The following MRPS28 variants were observed in gnomAD, a reference collection of about 807,000 sequenced individuals.
MRPS28 encodes the protein small ribosomal subunit protein bS1m.
In MRPS28, 7 loss-of-function variants were observed where a neutral mutation model predicts 10.8. The observed-to-expected ratio is 0.65, with a 90% confidence interval of 0.37 to 1.22. The LOEUF (loss-of-function observed/expected upper bound fraction) is 1.22. MRPS28 is among the 50% of genes most tolerant of loss of function. The pLI, the probability that MRPS28 is intolerant of heterozygous loss-of-function variation, is 0.02. For synonymous variants in MRPS28, 121 were observed against 93.3 expected, an observed-to-expected ratio of 1.30 and a Z score of -1.71; for missense variants, 265 against 232.9, an observed-to-expected ratio of 1.14 and a Z score of -0.90.
intron 1 of MRPS28, among the ~76,000 whole-genome samples, chr8:80,007,289 T>C (rs905716142): frequency 6.6e-6 from 1 of 152,160 alleles, no homozygotes; most frequent in Non-Finnish European, 1.5e-5. Context: ...ATAAGAGCTA[T>C]CTATGAAAAA....
At chr8:79,984,688 A>T (rs1393117740) in intron 2 of MRPS28, among the ~76,000 whole-genome samples, 5 of 152,194 alleles carry the variant, frequency 3.3e-5, no homozygotes, top group Admixed American at 6.5e-5. Flanking sequence ...AGGCCATTAC[A>T]TAATGGTAAA....
intron 2 of MRPS28, among the ~76,000 whole-genome samples, chr8:79,981,449 A>C (rs1260976132): frequency 6.6e-6 from 1 of 152,260 alleles, no homozygotes; most frequent in African/African-American, 2.4e-5. Flanking sequence ...AATTGCAGTT[A>C]GGAAAGATAT....
chr8:79,969,947 G>A (rs191704821), intron 2 of MRPS28, among the ~76,000 whole-genome samples: 20 of 152,236 alleles, frequency 1.3e-4, no homozygotes, highest in Admixed American at 1.0e-3. Context: ...CTCCTTGGAC[G>A]CATTCATTCA....
intron 1 of MRPS28, among the ~76,000 whole-genome samples, chr8:80,007,396 AAC>A (rs1808883305): frequency 6.6e-6 from 1 of 152,266 alleles, no homozygotes; most frequent in African/African-American, 2.4e-5. Flanking sequence ...ACTCTTATTC[AAC>A]ACAGTGTTGG....
At chr8:79,965,282 A>C (rs1807475431) in intron 2 of MRPS28, among the ~76,000 whole-genome samples, 1 of 152,158 alleles carries the variant, frequency 6.6e-6, no homozygotes, top group Non-Finnish European at 1.5e-5. Flanking sequence ...AACTCACTTA[A>C]GATGACACTG....
chr8:79,981,221 T>C (rs1158027172), intron 2 of MRPS28, among the ~76,000 whole-genome samples: 3 of 152,162 alleles, frequency 2.0e-5, no homozygotes, highest in African/African-American at 4.8e-5. Context: ...TCCCAGCTAC[T>C]TGCAGGGCTG....
intron 2 of MRPS28, among the ~76,000 whole-genome samples, chr8:79,989,281 T>C (rs957230865): frequency 6.6e-6 from 1 of 152,200 alleles, no homozygotes; most frequent in Admixed American, 6.5e-5. Flanking sequence ...CCAGGGAGTA[T>C]TAGCTTGAAT....
chr8:80,026,892 G>C (rs1438178531), intron 1 of MRPS28, among the ~76,000 whole-genome samples: 3 of 152,038 alleles, frequency 2.0e-5, no homozygotes, highest in African/African-American at 7.2e-5. Flanking sequence ...TTTTTAAATA[G>C]CATTTTATAT....
chr8:79,947,606 A>G (rs936582632), intron 2 of MRPS28, among the ~76,000 whole-genome samples: 1 of 145,634 alleles, frequency 6.9e-6, no homozygotes, highest in Non-Finnish European at 1.5e-5. Context: ...GAGGTCTTAC[A>G]TATCTTTTGT....
rs1808705290 is a variant in MRPS28 at position 80,003,032 on chromosome 8, T to C, written c.362A>G (p.His121Arg). Residue 121 changes from histidine (H) to arginine (R), a missense_variant, in exon 2 of 3, where the codon CAT becomes CGT. His to Arg is a conservative substitution (Grantham distance 29). Transcript: ENST00000276585. The stretch of plus-strand genomic sequence containing the variant: ...CACTTCTGGTCTTCTACATACACAA[T>C]GAAACTTTCCACCAAAATCTATGTA... ...DLYIDFGGKF[H>R]CVCRRPEVDG... 2.5e-6 allele frequency: 4 copies of C among 1,605,670 alleles called. No individual in the cohort carries two copies. In the East Asian group the frequency reaches 8.9e-5, roughly 36 times the overall value.
At chr8:80,004,774 T>A (rs898074279) in intron 1 of MRPS28, among the ~76,000 whole-genome samples, 1 of 152,308 alleles carries the variant, frequency 6.6e-6, no homozygotes, top group South Asian at 2.1e-4. Context: ...GAATAACCAA[T>A]GCAGAGAAGT....
At position 79,934,984 on chromosome 8, in the gene MRPS28, T is replaced by C. The variant is rs549889877; in HGVS notation, c.396-15836A>G. On this transcript the variant is annotated intron_variant, in intron 2 of 2. Coordinates refer to ENST00000276585, the MANE Select transcript of MRPS28 (RefSeq NM_014018.3). ...TAAAAACTAGTGCTTGCAAAAGTAA[T>C]TCTAATGCCCAAGTATGGGACAGGC... is the stretch of plus-strand genomic sequence containing the variant. 9.2e-5 allele frequency among the ~76,000 whole-genome samples: 14 copies of C among 152,336 alleles called. No homozygotes were observed. In the South Asian group the frequency reaches 2.9e-3, roughly 32 times the overall value.
chr8:80,008,622 C>T (rs1808935577), intron 1 of MRPS28, among the ~76,000 whole-genome samples: 1 of 152,164 alleles, frequency 6.6e-6, no homozygotes, highest in South Asian at 2.1e-4. Flanking sequence ...AGGATATGAA[C>T]AGACACTTCT....
intron 2 of MRPS28, among the ~76,000 whole-genome samples, chr8:79,999,366 T>C (rs1436212320): frequency 1.3e-5 from 2 of 152,246 alleles, no homozygotes; most frequent in African/African-American, 4.8e-5. Flanking sequence ...TTGAATTAAG[T>C]AGGTTCTTAC....
chr8:79,984,601 C>T (rs1808094667), intron 2 of MRPS28, among the ~76,000 whole-genome samples: 2 of 151,556 alleles, frequency 1.3e-5, no homozygotes, highest in Non-Finnish European at 2.9e-5. Flanking sequence ...AAATGGAAAA[C>T]AAAAAAAGGC....
chr8:79,923,454 A>C (rs1810146176), intron 2 of MRPS28, among the ~76,000 whole-genome samples: 1 of 152,194 alleles, frequency 6.6e-6, no homozygotes, highest in Non-Finnish European at 1.5e-5. Context: ...CATTATTTTA[A>C]TATTATCCAT....
intron 1 of MRPS28, among the ~76,000 whole-genome samples, chr8:80,006,631 T>C (rs970985755): frequency 2.6e-5 from 4 of 152,142 alleles, no homozygotes; most frequent in Non-Finnish European, 4.4e-5. Context: ...CATCAGAGAA[T>C]ACTATAAACA....
intron 2 of MRPS28, among the ~76,000 whole-genome samples, chr8:79,989,012 A>G (rs544471247): frequency 2.0e-5 from 3 of 152,358 alleles, no homozygotes; most frequent in Non-Finnish European, 2.9e-5. Context: ...GGAATAGCCA[A>G]TATTATTGAA....
intron 2 of MRPS28, among the ~76,000 whole-genome samples, chr8:79,947,678 A>C (rs1460257789): frequency 8.2e-6 from 1 of 122,460 alleles, no homozygotes; most frequent in Non-Finnish European, 1.6e-5. Context: ...TCTGTCGCCC[A>C]GGCTGGAGTG....
Sources: gnomAD v4.1 joint callset for allele counts (sites outside exome capture counted in the v4.1 genomes callset) on GRCh38, gnomAD v4.1.1 for gene constraint, MANE v1.5 for transcripts, NCBI Gene and HGNC (gene_info 2026-07-23, HGNC 2026-07-21) for gene names.